The following G2E3 variants were observed in gnomAD, a reference collection of about 807,000 sequenced individuals.
The protein encoded by G2E3 is G2/M-phase specific E3 ubiquitin protein ligase.
G2E3 carries 35 observed loss-of-function variants against 92.8 expected under a neutral mutation model. That is an observed-to-expected ratio of 0.38 (90% CI 0.29 to 0.50). G2E3 has a LOEUF of 0.50. G2E3 is among the 20% of genes least tolerant of loss of function. The probability of loss-of-function intolerance (pLI) is 0.94; values close to 1 mark genes in which losing one functional copy is unlikely to be tolerated. For synonymous variants in G2E3, 242 were observed against 272.4 expected (o/e 0.89, Z 1.10); for missense variants, 554 against 823.8 (o/e 0.67, Z 4.01).
intron 14 of G2E3, among the ~76,000 whole-genome samples, chr14:30,616,002 T>C (rs1417692301): frequency 6.6e-6 from 1 of 152,184 alleles, no homozygotes; most frequent in Non-Finnish European, 1.5e-5. Flanking sequence ...AGCTAGATTT[T>C]TGGTTTTTTA....
chr14:30,615,581 T>C (rs769618492), intron 14 of G2E3, 42 bp downstream of exon 14: 2 of 1,244,632 alleles, frequency 1.6e-6, no homozygotes, highest in Admixed American at 2.5e-5. Flanking sequence ...TCTCAGAATA[T>C]TTGTTTCAGC....
At chr14:30,560,964 C>A in intron 1 of G2E3, 1 of 603,466 alleles carries the variant, frequency 1.7e-6, no homozygotes, top group Non-Finnish European at 2.9e-6. Flanking sequence ...CCATCTCCAC[C>A]ACTTGATAGC....
intron 1 of G2E3, among the ~76,000 whole-genome samples, chr14:30,565,830 T>G (rs1281622194): frequency 2.6e-5 from 4 of 151,462 alleles, no homozygotes; most frequent in African/African-American, 9.7e-5. Flanking sequence ...CCCGGCTAAT[T>G]TTTTTGTATT....
intron 7 of G2E3, 135 bp downstream of exon 7, chr14:30,597,661 T>C (rs2138868225): frequency 1.6e-6 from 1 of 623,052 alleles, no homozygotes; most frequent in African/African-American, 1.8e-5. Flanking sequence ...TGCAAAACCT[T>C]CTCCTCCCCC....
chr14:30,578,537 C>T (rs990458289), intron 1 of G2E3, among the ~76,000 whole-genome samples: 3 of 152,140 alleles, frequency 2.0e-5, no homozygotes, highest in African/African-American at 7.2e-5. Flanking sequence ...AGATTTTATA[C>T]AGGATTTTGG....
At chr14:30,569,328 A>T (rs576296852) in intron 1 of G2E3, among the ~76,000 whole-genome samples, 2 of 152,094 alleles carry the variant, frequency 1.3e-5, no homozygotes, top group African/African-American at 4.8e-5. Flanking sequence ...CCTGCTTTGC[A>T]TATAAGAACC....
intron 11 of G2E3, 126 bp from the exon 12 acceptor site, chr14:30,607,761 TA>T: frequency 1.9e-6 from 1 of 530,144 alleles, no homozygotes; most frequent in South Asian, 2.9e-5. Context: ...ATTTTCTACA[TA>T]ATGATAGCTT....
At chr14:30,612,492 A>G in intron 13 of G2E3, 113 bp downstream of exon 13, 1 of 668,992 alleles carries the variant, frequency 1.5e-6, no homozygotes, top group African/African-American at 1.8e-5. Flanking sequence ...CTCAGAAAAA[A>G]ATTTAAATGC....
rs1161191463 is a variant in G2E3, at chr14:30,617,404, T to C, written c.*870T>C. The stretch of plus-strand genomic sequence containing the variant: ...TGGCTTTAATCATGGGAAATTGTTG[T>C]TGTTGTTGTTGTTGTTTGTATCCTA... On this transcript the variant is annotated 3_prime_UTR_variant, in exon 15 of 15. Transcript: ENST00000206595. The C allele has an allele frequency of 6.6e-6, 1 of 152,056 alleles. No homozygotes were observed. The allele number at this position is 152,056 out of a possible 1,614,324, so 9.4% of individuals were successfully genotyped here. A position where few individuals can be genotyped will look rare whatever the true frequency, so the allele number is the denominator to read the frequency against.
At position 30,615,476 on chromosome 14, in the gene G2E3, G is replaced by A; in HGVS notation, c.1801G>A (p.Val601Ile). 2 of 1,611,294 alleles carry A rather than the reference G, an allele frequency of 1.2e-6. No homozygotes were observed. The highest frequency in any genetic ancestry group is 8.5e-7 in the Non-Finnish European group (1 of 1,178,416). The change falls in exon 14 of 15, where the codon GTA (valine) becomes ATA (isoleucine). Residue 601 changes from valine to isoleucine, a missense_variant. Physicochemically the swap from Val to Ile is conservative, Grantham distance 29. This residue lies in a region of G2E3 where 397 missense variants were observed against 560.3 expected (regional missense o/e 0.71). Transcript: ENST00000206595. ...AAAAATCCTTAGTGAGCTTTTTACA[G>A]TACACACATTACCTGATGTGAAAGC... ...SAKILSELFT[V>I]HTLPDVKALG...
chr14:30,602,797 G>A (rs1489790046), intron 10 of G2E3: 1 of 152,062 alleles, frequency 6.6e-6, no homozygotes, highest in East Asian at 1.9e-4. Context: ...TTTTTGTAGA[G>A]ATGGACATCT....
intron 1 of G2E3, among the ~76,000 whole-genome samples, chr14:30,562,587 C>G (rs1419174854): frequency 6.6e-6 from 1 of 151,844 alleles, no homozygotes; most frequent in Non-Finnish European, 1.5e-5. Context: ...CTTAGCAGAC[C>G]GGGAAAGGGA....
rs558936923 is a variant in G2E3, at chr14:30,605,744, T to C, written c.1250T>C (p.Met417Thr). Residue 417 changes from methionine (M) to threonine (T), a missense_variant, in exon 11 of 15, where the codon ATG becomes ACG. Met to Thr is a moderately conservative substitution (Grantham distance 81). Coordinates refer to ENST00000206595, the MANE Select transcript of G2E3 (RefSeq NM_017769.5). The part of the protein sequence containing the change: ...GSKQEFLSLL[M>T]QHLENSSLFE... ...AAGCAAGAATTTCTGAGTCTCTTAATGCAACATCTTGAGAACTCATCATTG... is the reference window on the plus strand; with the variant it reads ...AAGCAAGAATTTCTGAGTCTCTTAACGCAACATCTTGAGAACTCATCATTG... 2 of 1,606,332 alleles carry C rather than the reference T, an allele frequency of 1.2e-6. No individual in the cohort carries two copies. Among genetic ancestry groups the C allele is most frequent in the Non-Finnish European group, 1.7e-6 (2 of 1,176,054 alleles).
chr14:30,577,438 G>T (rs1391056837), intron 1 of G2E3, among the ~76,000 whole-genome samples: 1 of 152,112 alleles, frequency 6.6e-6, no homozygotes, highest in Non-Finnish European at 1.5e-5. Flanking sequence ...AGGGATTTGG[G>T]AGCTGCTTAG....
chr14:30,596,135 C>CGTGTGTGTGTGTGT (rs59672554), intron 6 of G2E3, among the ~76,000 whole-genome samples: 61 of 127,254 alleles, frequency 4.8e-4, no homozygotes, highest in African/African-American at 1.5e-3. Flanking sequence ...GGTGGGTGTG[C>CGTGTGTGTGTGTGT]GTGTGTGTGT....
intron 6 of G2E3, among the ~76,000 whole-genome samples, chr14:30,595,035 G>T (rs377728452): frequency 6.6e-6 from 1 of 152,038 alleles, no homozygotes; most frequent in African/African-American, 2.4e-5. Flanking sequence ...CTACTTAGGA[G>T]GCGGAGGCAG....
rs372421398 is a variant in G2E3 at position 30,585,617 on chromosome 14, T to C, written c.38-1101T>C. Among the ~76,000 whole-genome samples, 142 of 152,132 alleles carry C rather than the reference T, an allele frequency of 9.3e-4. 1 individual carries two copies. The highest frequency in any genetic ancestry group is 3.1e-3 in the African/African-American group (130 of 41,524). ...TTTTTGGTTAGTCTAGTTAAAGGTT[T>C]ATCAGTTTTGTTGATCTTTAAAAAG... On this transcript the variant is annotated intron_variant, in intron 2 of 14. Transcript: ENST00000206595.
At chr14:30,606,662 A>T (rs1217785394) in intron 11 of G2E3, among the ~76,000 whole-genome samples, 3 of 152,094 alleles carry the variant, frequency 2.0e-5, no homozygotes, top group African/African-American at 7.2e-5. Flanking sequence ...TACATCCTTA[A>T]TTACTTACTC....
At chr14:30,582,928 T>C (rs1880513534) in intron 2 of G2E3, among the ~76,000 whole-genome samples, 3 of 152,192 alleles carry the variant, frequency 2.0e-5, no homozygotes, top group Admixed American at 2.0e-4. Flanking sequence ...ACAAATATAA[T>C]ACCTTTTAAC....
Sources: allele counts gnomAD v4.1 joint callset (sites outside exome capture counted in the v4.1 genomes callset), GRCh38; gene constraint gnomAD v4.1.1; regional missense constraint gnomAD v4.1.1; transcripts MANE v1.5; gene names NCBI Gene and HGNC (gene_info 2026-07-23, HGNC 2026-07-21).